The following SDK1 variants were observed in gnomAD, a reference collection of about 807,000 sequenced individuals.
SDK1 encodes sidekick cell adhesion molecule 1.
SDK1 carries 157 observed loss-of-function variants against 245.5 expected under a neutral mutation model. The ratio of observed to expected loss-of-function variants is 0.64; its 90% CI spans 0.56 to 0.73. The LOEUF (loss-of-function observed/expected upper bound fraction) is 0.73. SDK1 is among the 30% of genes least tolerant of loss of function. The probability of loss-of-function intolerance (pLI) is 0.00; values close to 1 mark genes in which losing one functional copy is unlikely to be tolerated. For synonymous variants in SDK1, 1,647 were observed against 1,278.5 expected (o/e 1.29, Z -6.15); for missense variants, 3,583 against 3,002.3 (o/e 1.19, Z -4.52).
At chr7:4,079,198 G>A (rs755146381) in intron 21 of SDK1, among the ~76,000 whole-genome samples, 3 of 152,202 alleles carry the variant, frequency 2.0e-5, no homozygotes, top group Non-Finnish European at 4.4e-5. Context: ...CATGACGTGT[G>A]CCTGCAGAGT....
intron 1 of SDK1, among the ~76,000 whole-genome samples, chr7:3,498,669 T>A (rs1782097700): frequency 6.6e-6 from 1 of 152,172 alleles, no homozygotes; most frequent in South Asian, 2.1e-4. Context: ...CTTGTATGTG[T>A]TTCTTCAGCT....
chr7:4,193,193 A>G (rs1253421348), intron 35 of SDK1, among the ~76,000 whole-genome samples: 1 of 133,476 alleles, frequency 7.5e-6, no homozygotes, highest in South Asian at 2.2e-4. Flanking sequence ...TAAATATATT[A>G]ATATATTTAT....
chr7:3,577,504 C>A (rs982433038), intron 1 of SDK1, among the ~76,000 whole-genome samples: 9 of 151,900 alleles, frequency 5.9e-5, no homozygotes, highest in Non-Finnish European at 1.2e-4. Flanking sequence ...CATGCTCTTC[C>A]CTCTTTCTTC....
In SDK1 at chr7:3,748,718, T is replaced by G. The variant is rs10277805; in HGVS notation, c.714-72732T>G. On this transcript the variant is annotated intron_variant, in intron 4 of 44. Transcript: ENST00000404826. ...TACCATCACACAATCACAGGGCAAA[T>G]TAAATCTCATCCCTGTTTCATTTGA... Among the ~76,000 whole-genome samples, 769 of 152,298 alleles carry G rather than the reference T, an allele frequency of 5.0e-3. 7 individuals are homozygous for G. The highest frequency in any genetic ancestry group is 0.018 in the African/African-American group (730 of 41,562).
At chr7:3,347,975 T>A in intron 1 of SDK1, among the ~76,000 whole-genome samples, 1 of 152,154 alleles carries the variant, frequency 6.6e-6, no homozygotes, top group African/African-American at 2.4e-5. Flanking sequence ...GCTTCCTAAG[T>A]ACTTAAATAT....
At chr7:3,808,573 A>T (rs1779307875) in intron 4 of SDK1, among the ~76,000 whole-genome samples, 1 of 151,988 alleles carries the variant, frequency 6.6e-6, no homozygotes, top group African/African-American at 2.4e-5. Context: ...TGTCACAGTT[A>T]ACCAAGGGTG....
At chr7:4,066,546 A>G (rs757391318) in intron 19 of SDK1, among the ~76,000 whole-genome samples, 3 of 152,212 alleles carry the variant, frequency 2.0e-5, no homozygotes, top group Non-Finnish European at 4.4e-5. Flanking sequence ...TGGAAGGCAC[A>G]TGGCAGGGCT....
intron 4 of SDK1, among the ~76,000 whole-genome samples, chr7:3,803,086 G>C (rs541984780): frequency 6.6e-6 from 1 of 152,082 alleles, no homozygotes; most frequent in African/African-American, 2.4e-5. Flanking sequence ...CATTCTCTCA[G>C]CAACATATGA....
At chr7:3,594,252 A>T (rs1323673975) in intron 1 of SDK1, among the ~76,000 whole-genome samples, 3 of 152,194 alleles carry the variant, frequency 2.0e-5, no homozygotes, top group Admixed American at 6.5e-5. Context: ...AGTGTTTTCA[A>T]GGCTCATCCA....
chr7:3,577,319 G>A (rs1431074677), intron 1 of SDK1, among the ~76,000 whole-genome samples: 3 of 152,182 alleles, frequency 2.0e-5, no homozygotes, highest in African/African-American at 7.2e-5. Context: ...CCATTTTACA[G>A]ACAAGGAAAC....
rs75545552 is a variant in SDK1 at position 3,612,865 on chromosome 7, C to A, written c.299-6215C>A. Among the ~76,000 whole-genome samples the A allele has an allele frequency of 2.1e-3, 319 of 152,294 alleles. 4 individuals are homozygous for A. The highest frequency in any genetic ancestry group is 7.5e-3 in the African/African-American group (312 of 41,560). ...ATGATGGCTTAATACAGCTCATCGTCACTTCACCGGGACACGTGGACTTTG... is the reference window on the plus strand; with the variant it reads ...ATGATGGCTTAATACAGCTCATCGTAACTTCACCGGGACACGTGGACTTTG... On this transcript the variant is annotated intron_variant, in intron 1 of 44. Coordinates refer to ENST00000404826, the MANE Select transcript of SDK1 (RefSeq NM_152744.4).
intron 5 of SDK1, among the ~76,000 whole-genome samples, chr7:3,866,270 A>C (rs775006921): frequency 3.4e-4 from 51 of 152,152 alleles, no homozygotes; most frequent in Non-Finnish European, 6.0e-4. Flanking sequence ...CTCACTGGAG[A>C]GGCCCCATTC....
chr7:3,824,684 A>G (rs1017652382), intron 5 of SDK1, among the ~76,000 whole-genome samples: 1 of 152,202 alleles, frequency 6.6e-6, no homozygotes, highest in African/African-American at 2.4e-5. Context: ...CTTGTACTTG[A>G]GAGTTCAAAA....
At chr7:3,722,245 A>G (rs1296976177) in intron 4 of SDK1, among the ~76,000 whole-genome samples, 3 of 152,058 alleles carry the variant, frequency 2.0e-5, no homozygotes, top group Admixed American at 6.6e-5. Flanking sequence ...GACTGTACAG[A>G]AGAAGGGGAG....
intron 17 of SDK1, among the ~76,000 whole-genome samples, chr7:4,047,089 G>T (rs1335803298): frequency 6.6e-6 from 1 of 152,154 alleles, no homozygotes; most frequent in African/African-American, 2.4e-5. Flanking sequence ...TGTTTTTAGA[G>T]CTTAAATGAG....
At chr7:3,803,745 C>CTTTTT (rs60802259) in intron 4 of SDK1, among the ~76,000 whole-genome samples, 2 of 119,978 alleles carry the variant, frequency 1.7e-5, no homozygotes, top group African/African-American at 6.3e-5. Context: ...GTATTTTCCT[C>CTTTTT]TTTTTTTTTT....
chr7:3,756,327 G>C (rs978752539), intron 4 of SDK1, among the ~76,000 whole-genome samples: 1 of 133,920 alleles, frequency 7.5e-6, no homozygotes, highest in Non-Finnish European at 1.6e-5. Flanking sequence ...GGCATAGCAC[G>C]TGTGACACAT....
Position 3,343,379 on chromosome 7 carries a change from C to T in SDK1, c.298+41495C>T, listed in dbSNP as rs189191883. Among the ~76,000 whole-genome samples, 66 of 152,222 alleles carry T rather than the reference C, an allele frequency of 4.3e-4. 1 individual carries two copies. The highest frequency in any genetic ancestry group is 1.4e-3 in the African/African-American group (57 of 41,530). On this transcript the variant is annotated intron_variant, in intron 1 of 44. Coordinates refer to ENST00000404826, the MANE Select transcript of SDK1 (RefSeq NM_152744.4). ...ATGCACCTACTGTGAATCTCCACAT[C>T]GAGTGATAAAAAGCCTATTCTAAAA...
At chr7:3,392,832 C>T (rs1386452190) in intron 1 of SDK1, among the ~76,000 whole-genome samples, 7 of 151,976 alleles carry the variant, frequency 4.6e-5, no homozygotes, top group African/African-American at 1.2e-4. Context: ...CCAGTGTATG[C>T]GTATATCGCA....
Sources: gnomAD v4.1 joint callset for allele counts (sites outside exome capture counted in the v4.1 genomes callset) on GRCh38, gnomAD v4.1.1 for gene constraint, MANE v1.5 for transcripts, NCBI Gene and HGNC (gene_info 2026-07-23, HGNC 2026-07-21) for gene names.